JAZF1: variants seen among roughly 807,000 people sequenced by gnomAD.
The protein encoded by JAZF1 is JAZF zinc finger 1.
JAZF1 carries 8 observed loss-of-function variants against 26.4 expected under a neutral mutation model. That is an observed-to-expected ratio of 0.30 (90% CI 0.18 to 0.55). The LOEUF (loss-of-function observed/expected upper bound fraction) is 0.55. Ranked by LOEUF, JAZF1 falls within the 20% of genes least tolerant of loss-of-function variation. JAZF1 has a pLI of 0.94. For missense variants in JAZF1, 199 were observed against 322.0 expected (o/e 0.62, Z 2.92); for synonymous variants, 126 against 122.3 (o/e 1.03, Z -0.20).
At chr7:28,174,823 T>G (rs60077387) in intron 1 of JAZF1, among the ~76,000 whole-genome samples, 4,251 of 89,346 alleles carry the variant, frequency 0.048, 629 homozygotes, top group African/African-American at 0.11. Flanking sequence ...GGTGTGTGGG[T>G]GTGTGTGTGT....
rs370636261 is a variant in JAZF1 at position 27,895,359 on chromosome 7, C to T, written c.246G>A (p.Pro82=). Residue 82 remains proline (P), a synonymous_variant, in exon 3 of 5, where the codon CCG becomes CCA. Coordinates refer to ENST00000283928, the MANE Select transcript of JAZF1 (RefSeq NM_175061.4). ...EQESLKKKIQ[P]KLSLTLSSSV... ...AGCTGGACAGAGTCAGCGAGAGCTTCGGCTGAATCTTCTTCTTTAGGGACT... is the reference window on the plus strand; with the variant it reads ...AGCTGGACAGAGTCAGCGAGAGCTTTGGCTGAATCTTCTTCTTTAGGGACT... 9.5e-5 allele frequency: 153 copies of T among 1,607,966 alleles called. No homozygotes were observed. Among genetic ancestry groups the T allele is most frequent in the Non-Finnish European group, 1.3e-4 (149 of 1,177,406 alleles).
chr7:28,021,484 C>T (rs1037498096), intron 1 of JAZF1, among the ~76,000 whole-genome samples: 12 of 152,120 alleles, frequency 7.9e-5, no homozygotes, highest in South Asian at 4.1e-4. Flanking sequence ...ACTGATAACT[C>T]GGCACACACT....
At chr7:28,147,928 AG>A (rs1215735083) in intron 1 of JAZF1, among the ~76,000 whole-genome samples, 1 of 151,996 alleles carries the variant, frequency 6.6e-6, no homozygotes, top group East Asian at 1.9e-4. Flanking sequence ...GGAAAAGAAA[AG>A]AAAAAGAAAT....
intron 1 of JAZF1, among the ~76,000 whole-genome samples, chr7:28,149,951 C>T (rs1172737144): frequency 1.3e-5 from 2 of 152,206 alleles, no homozygotes; most frequent in African/African-American, 2.4e-5. Flanking sequence ...GCAAACACAG[C>T]GCCCACGTAA....
intron 3 of JAZF1, among the ~76,000 whole-genome samples, chr7:27,845,741 A>G (rs1197865555): frequency 6.6e-6 from 1 of 151,788 alleles, no homozygotes; most frequent in Non-Finnish European, 1.5e-5. Context: ...AGAAATTTTA[A>G]AAAAATGTTA....
intron 1 of JAZF1, among the ~76,000 whole-genome samples, chr7:28,048,874 C>T (rs750936415): frequency 3.9e-5 from 6 of 152,046 alleles, no homozygotes; most frequent in Non-Finnish European, 8.8e-5. Context: ...CTCCTGAAAA[C>T]ATGCTAAGGA....
At chr7:28,081,833 A>G (rs1054301238) in intron 1 of JAZF1, among the ~76,000 whole-genome samples, 4 of 152,214 alleles carry the variant, frequency 2.6e-5, no homozygotes, top group Non-Finnish European at 5.9e-5. Context: ...ATTAATTCAC[A>G]TATTATGCCA....
rs543976953 is a variant in JAZF1, at chr7:28,061,978, C to T, written c.116-69997G>A. On this transcript the variant is annotated intron_variant, in intron 1 of 4. Coordinates refer to ENST00000283928, the MANE Select transcript of JAZF1 (RefSeq NM_175061.4). ...ATTGGACACAAAGGATCTGGCCTAA[C>T]GGTGAAGGACGGAGTGGGGAAACCC... 2.6e-5 allele frequency among the ~76,000 whole-genome samples: 4 copies of T among 152,306 alleles called. No homozygotes were observed. In the East Asian group the frequency reaches 5.8e-4, roughly 22 times the overall value.
intron 1 of JAZF1, among the ~76,000 whole-genome samples, chr7:28,136,162 G>C (rs1782882439): frequency 1.3e-5 from 2 of 152,156 alleles, no homozygotes; most frequent in African/African-American, 4.8e-5. Flanking sequence ...CACTGTGTCA[G>C]GCACCCTGCT....
At position 27,957,541 on chromosome 7, in the gene JAZF1, A is replaced by C. The variant is rs79405405; in HGVS notation, c.188+34368T>G. Among the ~76,000 whole-genome samples, 1,173 of 152,300 alleles carry C rather than the reference A, an allele frequency of 7.7e-3. 12 individuals carry two copies. The highest frequency in any genetic ancestry group is 0.027 in the African/African-American group (1,111 of 41,560). ...TGAATGAAAACAAACTCAAAAGTACATTCAAACGGAGCACTTTGGTTACCC... is the reference window on the plus strand; with the variant it reads ...TGAATGAAAACAAACTCAAAAGTACCTTCAAACGGAGCACTTTGGTTACCC... On this transcript the variant is annotated intron_variant, in intron 2 of 4. Coordinates refer to ENST00000283928, the MANE Select transcript of JAZF1 (RefSeq NM_175061.4).
At chr7:28,180,006 G>GC (rs958981932) in intron 1 of JAZF1, among the ~76,000 whole-genome samples, 4 of 131,616 alleles carry the variant, frequency 3.0e-5, no homozygotes, top group African/African-American at 8.3e-5. Flanking sequence ...TGCAGCGCCC[G>GC]CCCCCCGCTG....
chr7:27,925,742 T>C (rs765963742), intron 2 of JAZF1, among the ~76,000 whole-genome samples: 3 of 152,144 alleles, frequency 2.0e-5, no homozygotes, highest in Non-Finnish European at 4.4e-5. Context: ...CAATATTCAT[T>C]TGGATGTTGT....
intron 1 of JAZF1, among the ~76,000 whole-genome samples, chr7:28,122,527 C>T (rs766973775): frequency 6.6e-6 from 1 of 152,086 alleles, no homozygotes; most frequent in African/African-American, 2.4e-5. Flanking sequence ...GAGGCTGGGG[C>T]ACCAAGCAGG....
At position 27,934,679 on chromosome 7, in the gene JAZF1, G is replaced by A. The variant is rs542790235; in HGVS notation, c.189-39263C>T. On this transcript the variant is annotated intron_variant, in intron 2 of 4. Transcript: ENST00000283928. The stretch of plus-strand genomic sequence containing the variant: ...ATTTTGCAAGGTTCAAAATTCAGTT[G>A]AATGAACTCATACACCAAGACAATC... Among the ~76,000 whole-genome samples, 5 of 152,190 alleles carry A rather than the reference G, an allele frequency of 3.3e-5. No homozygotes were observed. The South Asian group carries it at 1.0e-3, about 32-fold the overall frequency.
At chr7:27,852,107 G>A (rs941970836) in intron 3 of JAZF1, among the ~76,000 whole-genome samples, 1 of 149,806 alleles carries the variant, frequency 6.7e-6, no homozygotes, top group African/African-American at 2.5e-5. Context: ...TTTGACCAAC[G>A]TTTGCTTGCT....
intron 1 of JAZF1, among the ~76,000 whole-genome samples, chr7:28,174,822 GT>G (rs779414675): frequency 0.033 from 1,261 of 38,244 alleles, 382 homozygotes; most frequent in Non-Finnish European, 0.046. Flanking sequence ...GGGTGTGTGG[GT>G]GTGTGTGTGT....
At position 27,905,353 on chromosome 7, in the gene JAZF1, A is replaced by G. The variant is rs79658620; in HGVS notation, c.189-9937T>C. Among the ~76,000 whole-genome samples, 35 of 152,116 alleles carry G rather than the reference A, an allele frequency of 2.3e-4. No individual in the cohort carries two copies. In the East Asian group the frequency reaches 6.8e-3, roughly 29 times the overall value. ...GGAGAATTCTAATCTAATTTTGCAT[A>G]AAATAAATAAATATGAGGGCAAGCC... is the stretch of plus-strand genomic sequence containing the variant. On this transcript the variant is annotated intron_variant, in intron 2 of 4. Coordinates refer to ENST00000283928, the MANE Select transcript of JAZF1 (RefSeq NM_175061.4).
chr7:27,991,827 C>A, intron 2 of JAZF1, 82 bp downstream of exon 2: 1 of 773,880 alleles, frequency 1.3e-6, no homozygotes, highest in Non-Finnish European at 2.1e-6. Flanking sequence ...AACATTTTTC[C>A]ACTCTGTTAA....
At chr7:28,010,314 T>A (rs1481245178) in intron 1 of JAZF1, among the ~76,000 whole-genome samples, 1 of 152,174 alleles carries the variant, frequency 6.6e-6, no homozygotes, top group East Asian at 1.9e-4. Context: ...GGGCCACAGC[T>A]CTGGGAGGGC....
Sources: allele counts gnomAD v4.1 joint callset (sites outside exome capture counted in the v4.1 genomes callset), GRCh38; gene constraint gnomAD v4.1.1; transcripts MANE v1.5; gene names NCBI Gene and HGNC (gene_info 2026-07-23, HGNC 2026-07-21).